CDH4: variants seen among roughly 807,000 people sequenced by gnomAD.
CDH4 encodes the protein cadherin 4, also known as cadherin-4.
CDH4 carries 33 observed loss-of-function variants against 86.0 expected under a neutral mutation model. The ratio of observed to expected loss-of-function variants is 0.38; its 90% confidence interval spans 0.29 to 0.51. The LOEUF (loss-of-function observed/expected upper bound fraction) is 0.51. Among genes scored for constraint, CDH4 ranks in the 20% least tolerant of loss-of-function variants. CDH4 has a pLI of 0.86. For synonymous variants in CDH4, 555 were observed against 549.4 expected (o/e 1.01, Z -0.14); for missense variants, 1,114 against 1,307.4 (o/e 0.85, Z 2.28).
At chr20:61,302,403 C>T (rs1055119414) in intron 2 of CDH4, among the ~76,000 whole-genome samples, 1 of 152,234 alleles carries the variant, frequency 6.6e-6, no homozygotes, top group South Asian at 2.1e-4. Flanking sequence ...AAGTGATGAA[C>T]AAGCTTAACG....
intron 11 of CDH4, 69 bp from the exon 12 acceptor site, chr20:61,928,121 G>T: frequency 8.5e-7 from 1 of 1,182,100 alleles, no homozygotes; most frequent in Non-Finnish European, 1.2e-6. Context: ...TGCGTGTCCT[G>T]TGTGGAGCTG....
chr20:61,545,856 G>T (rs1353475764), intron 2 of CDH4, among the ~76,000 whole-genome samples: 1 of 142,764 alleles, frequency 7.0e-6, no homozygotes, highest in Non-Finnish European at 1.5e-5. Flanking sequence ...GGGTATGTGT[G>T]CATGTGTGTA....
intron 2 of CDH4, among the ~76,000 whole-genome samples, chr20:61,615,460 A>G (rs1194719139): frequency 6.6e-6 from 1 of 152,202 alleles, no homozygotes; most frequent in African/African-American, 2.4e-5. Context: ...CCCATAATGA[A>G]AACATAGATA....
chr20:61,686,511 G>A (rs1207178246), intron 2 of CDH4, among the ~76,000 whole-genome samples: 1 of 151,746 alleles, frequency 6.6e-6, no homozygotes, highest in Non-Finnish European at 1.5e-5. Context: ...GTGTATATGT[G>A]TGTGCATTCG....
intron 3 of CDH4, among the ~76,000 whole-genome samples, chr20:61,744,069 G>C (rs1216159177): frequency 1.3e-5 from 2 of 152,304 alleles, no homozygotes; most frequent in Admixed American, 1.3e-4. Context: ...TTTTGAACAA[G>C]GGGCCCCAAA....
chr20:61,596,001 T>A (rs572000806), intron 2 of CDH4, among the ~76,000 whole-genome samples: 1 of 152,328 alleles, frequency 6.6e-6, no homozygotes, highest in South Asian at 2.1e-4. Flanking sequence ...CTTGGGCAGC[T>A]GGAATGTGCA....
At chr20:61,706,096 A>G (rs6121768) in intron 2 of CDH4, among the ~76,000 whole-genome samples, 15,552 of 152,184 alleles carry the variant, frequency 0.1, 848 homozygotes, top group East Asian at 0.18. Flanking sequence ...GCTTTAGCCC[A>G]TGAAACTGGG....
intron 2 of CDH4, among the ~76,000 whole-genome samples, chr20:61,683,674 A>G (rs1022084516): frequency 1.3e-5 from 2 of 152,230 alleles, no homozygotes; most frequent in Non-Finnish European, 1.5e-5. Flanking sequence ...TTTAATGTTC[A>G]GGTCAAATAT....
At chr20:61,887,910 G>T (rs1173932579) in intron 7 of CDH4, among the ~76,000 whole-genome samples, 1 of 152,202 alleles carries the variant, frequency 6.6e-6, no homozygotes, top group Non-Finnish European at 1.5e-5. Flanking sequence ...TGGCCGAGGG[G>T]GGCCGGTGCA....
chr20:61,363,487 T>TAC (rs1183051925), intron 2 of CDH4, among the ~76,000 whole-genome samples: 10 of 150,662 alleles, frequency 6.6e-5, no homozygotes, highest in East Asian at 5.8e-4. Flanking sequence ...AAAGAAGTCC[T>TAC]ACACACACAC....
intron 2 of CDH4, among the ~76,000 whole-genome samples, chr20:61,458,138 A>G (rs1185187057): frequency 6.8e-6 from 1 of 147,734 alleles, no homozygotes; most frequent in Non-Finnish European, 1.5e-5. Context: ...GGTGGTGGTG[A>G]TGGTTATGGT....
chr20:61,768,569 T>C (rs11697808), intron 3 of CDH4, among the ~76,000 whole-genome samples: 11,523 of 152,242 alleles, frequency 0.076, 509 homozygotes, highest in Non-Finnish European at 0.089. Context: ...TATTTTTAAG[T>C]GTAACTGGAA....
intron 2 of CDH4, among the ~76,000 whole-genome samples, chr20:61,561,971 G>A (rs989532478): frequency 6.6e-6 from 1 of 152,174 alleles, no homozygotes; most frequent in Non-Finnish European, 1.5e-5. Context: ...CTCCCAGAGA[G>A]AGAGAGGGAC....
chr20:61,396,505 G>A (rs2085018137), intron 2 of CDH4, among the ~76,000 whole-genome samples: 1 of 152,216 alleles, frequency 6.6e-6, no homozygotes, highest in Admixed American at 6.5e-5. Flanking sequence ...CCCCCTCACA[G>A]CACAGGTTCC....
In CDH4 at chr20:61,515,157, A is replaced by G. The variant is rs111687280; in HGVS notation, c.170-228406A>G. Among the ~76,000 whole-genome samples, 522 of 152,382 alleles carry G rather than the reference A, an allele frequency of 3.4e-3. 3 individuals carry two copies. The highest frequency in any genetic ancestry group is 0.011 in the African/African-American group (475 of 41,596). ...CCTTGCTTTTGCATTTTGGCAAACA[A>G]TTGAAAAGCTTTAACATCTGTGGGT... On this transcript the variant is annotated intron_variant, in intron 2 of 15. Coordinates refer to ENST00000614565, the MANE Select transcript of CDH4 (RefSeq NM_001794.5).
rs899106794 is a variant in CDH4, at chr20:61,357,868, A to G, written c.169+102931A>G. 8.5e-5 allele frequency among the ~76,000 whole-genome samples: 13 copies of G among 152,192 alleles called. 1 individual carries two copies. The highest frequency in any genetic ancestry group is 8.5e-4 in the Admixed American group (13 of 15,278). The stretch of plus-strand genomic sequence containing the variant: ...GACTCTATGATCCCCAAGGGCAGGA[A>G]CAACGATTCTTTGCTTTTTATTTTT... On this transcript the variant is annotated intron_variant, in intron 2 of 15. Transcript: ENST00000614565.
At chr20:61,477,419 C>T (rs1230464954) in intron 2 of CDH4, among the ~76,000 whole-genome samples, 1 of 152,196 alleles carries the variant, frequency 6.6e-6, no homozygotes, top group Non-Finnish European at 1.5e-5. Context: ...AGATGGCAGA[C>T]CTGTGCCCGT....
intron 2 of CDH4, among the ~76,000 whole-genome samples, chr20:61,669,840 A>C (rs1235139370): frequency 6.6e-6 from 1 of 152,154 alleles, no homozygotes; most frequent in Non-Finnish European, 1.5e-5. Context: ...AGTATAAATA[A>C]ATTGTATAAA....
chr20:61,300,355 G>A (rs2084379361), intron 2 of CDH4, among the ~76,000 whole-genome samples: 1 of 152,150 alleles, frequency 6.6e-6, no homozygotes, highest in South Asian at 2.1e-4. Context: ...GCGTGTGGAG[G>A]CTCCGAGCCC....
Sources: allele counts gnomAD v4.1 joint callset (sites outside exome capture counted in the v4.1 genomes callset), GRCh38; gene constraint gnomAD v4.1.1; transcripts MANE v1.5; gene names NCBI Gene and HGNC (gene_info 2026-07-23, HGNC 2026-07-21).